The following CAMK2D variants were observed in gnomAD, a reference collection of about 807,000 sequenced individuals.
The protein encoded by CAMK2D is calcium/calmodulin dependent protein kinase II delta, also known as calcium/calmodulin-dependent protein kinase type II subunit delta.
In CAMK2D, 37 loss-of-function variants were observed where a neutral mutation model predicts 84.0. The observed-to-expected ratio is 0.44, with a 90% confidence interval of 0.34 to 0.58. CAMK2D has a LOEUF of 0.58. Among genes scored for constraint, CAMK2D ranks in the 20% least tolerant of loss-of-function variants. The probability of loss-of-function intolerance (pLI) is 0.02; values close to 1 mark genes in which losing one functional copy is unlikely to be tolerated. For synonymous variants in CAMK2D, 202 were observed against 212.5 expected, an observed-to-expected ratio of 0.95 and a Z score of 0.43; for missense variants, 448 against 652.5, an observed-to-expected ratio of 0.69 and a Z score of 3.41.
At chr4:113,607,882 C>T (rs1281948692) in intron 4 of CAMK2D, among the ~76,000 whole-genome samples, 1 of 152,152 alleles carries the variant, frequency 6.6e-6, no homozygotes, top group Non-Finnish European at 1.5e-5. Context: ...AACTGGGTAT[C>T]ACATGATTAA....
At chr4:113,584,418 G>A (rs2098824674) in intron 4 of CAMK2D, among the ~76,000 whole-genome samples, 2 of 152,210 alleles carry the variant, frequency 1.3e-5, no homozygotes. Context: ...CCCCGATGAT[G>A]AGGAGAGAAA....
At chr4:113,705,575 C>A (rs954246681) in intron 2 of CAMK2D, among the ~76,000 whole-genome samples, 2 of 152,072 alleles carry the variant, frequency 1.3e-5, no homozygotes, top group Non-Finnish European at 2.9e-5. Context: ...CTGAACTAAG[C>A]GCTAGGTATA....
chr4:113,630,984 A>G (rs2099087333), intron 3 of CAMK2D, among the ~76,000 whole-genome samples: 1 of 152,176 alleles, frequency 6.6e-6, no homozygotes. Context: ...ATCATGGATC[A>G]CGACATATTA....
chr4:113,650,392 C>A (rs372608147), intron 3 of CAMK2D, among the ~76,000 whole-genome samples: 1 of 151,342 alleles, frequency 6.6e-6, no homozygotes, highest in South Asian at 2.1e-4. Context: ...TGGTGCATGC[C>A]TGTAATCCCA....
At chr4:113,470,248 C>T (rs6835747) in intron 16 of CAMK2D, among the ~76,000 whole-genome samples, 19,058 of 152,036 alleles carry the variant, frequency 0.13, 1,643 homozygotes, top group East Asian at 0.37. Context: ...CTCCTATTAC[C>T]AGCCCTTTAT....
intron 4 of CAMK2D, among the ~76,000 whole-genome samples, chr4:113,553,899 G>A (rs905339455): frequency 6.6e-6 from 1 of 152,062 alleles, no homozygotes; most frequent in Non-Finnish European, 1.5e-5. Flanking sequence ...GTATAGTGAC[G>A]ATAACAATTT....
intron 4 of CAMK2D, among the ~76,000 whole-genome samples, chr4:113,580,748 A>G (rs1422025201): frequency 6.6e-6 from 1 of 152,164 alleles, no homozygotes; most frequent in Non-Finnish European, 1.5e-5. Flanking sequence ...TAAGATTATC[A>G]GGATTAAATG....
chr4:113,465,251 T>C (rs2097443733), intron 17 of CAMK2D, among the ~76,000 whole-genome samples: 2 of 152,170 alleles, frequency 1.3e-5, no homozygotes, highest in Admixed American at 1.3e-4. Context: ...CAGGTTGGTC[T>C]TGAACTCTTG....
chr4:113,604,185 T>C (rs988772882), intron 4 of CAMK2D, among the ~76,000 whole-genome samples: 1 of 152,140 alleles, frequency 6.6e-6, no homozygotes, highest in African/African-American at 2.4e-5. Flanking sequence ...CAAGTAGTTA[T>C]TTTATCTCGG....
intron 2 of CAMK2D, among the ~76,000 whole-genome samples, chr4:113,676,163 A>G (rs372610988): frequency 6.6e-6 from 1 of 152,200 alleles, no homozygotes; most frequent in African/African-American, 2.4e-5. Flanking sequence ...CCAGTCTTCT[A>G]CTTCACTGAA....
At chr4:113,689,889 C>T (rs973843456) in intron 2 of CAMK2D, among the ~76,000 whole-genome samples, 1 of 152,152 alleles carries the variant, frequency 6.6e-6, no homozygotes, top group South Asian at 2.1e-4. Context: ...GCAGGGAACA[C>T]GTTGTCTTGT....
At position 113,761,663 on chromosome 4, in the gene CAMK2D, G is replaced by A. The variant is rs555921216; in HGVS notation, c.-595C>T. ...CCCTCCGGCGGGCGGCAGCGGCTCC[G>A]GCGAAGCGAGGCACCTTGGCGGCCT... On this transcript the variant is annotated 5_prime_UTR_variant, in exon 1 of 21. Transcript: ENST00000511664. 199 of 984,932 alleles carry A rather than the reference G, an allele frequency of 2.0e-4. No individual in the cohort carries two copies. The African/African-American group carries it at 2.9e-3, about 14-fold the overall frequency. 61.0% of individuals were successfully genotyped at this position (984,932 alleles called of 1,614,324 possible). A position where few individuals can be genotyped will look rare whatever the true frequency, so the allele number is the denominator to read the frequency against.
At chr4:113,549,413 C>T (rs546529601) in intron 5 of CAMK2D, among the ~76,000 whole-genome samples, 1 of 152,272 alleles carries the variant, frequency 6.6e-6, no homozygotes, top group South Asian at 2.1e-4. Flanking sequence ...AATTTACAAT[C>T]CCCTGGAGCA....
chr4:113,547,571 TACAG>T, intron 6 of CAMK2D, 69 bp downstream of exon 6: 1 of 976,818 alleles, frequency 1.0e-6, no homozygotes, highest in Admixed American at 2.6e-5. Context: ...TTTTTGCCTT[TACAG>T]GCATAATTGC....
intron 4 of CAMK2D, among the ~76,000 whole-genome samples, chr4:113,606,997 T>C (rs2098980383): frequency 6.6e-6 from 1 of 152,010 alleles, no homozygotes; most frequent in Non-Finnish European, 1.5e-5. Context: ...GGCACAACAT[T>C]GAAAGAACTC....
At chr4:113,588,349 T>C (rs10007139) in intron 4 of CAMK2D, among the ~76,000 whole-genome samples, 6,429 of 152,206 alleles carry the variant, frequency 0.042, 463 homozygotes, top group African/African-American at 0.15. Context: ...TCATTAAGCA[T>C]CATAATAATA....
intron 1 of CAMK2D, among the ~76,000 whole-genome samples, chr4:113,760,696 T>G (rs139270794): frequency 3.3e-4 from 50 of 152,096 alleles, no homozygotes; most frequent in African/African-American, 1.2e-3. Context: ...CGCACACTTC[T>G]CAGGATGATA....
At chr4:113,488,967 A>G (rs1233472183) in intron 16 of CAMK2D, among the ~76,000 whole-genome samples, 2 of 152,158 alleles carry the variant, frequency 1.3e-5, no homozygotes, top group African/African-American at 4.8e-5. Context: ...CTCAAGCAAT[A>G]AAGAGAAAAA....
chr4:113,579,261 G>A (rs1418795743), intron 4 of CAMK2D, among the ~76,000 whole-genome samples: 1 of 152,196 alleles, frequency 6.6e-6, no homozygotes, highest in Non-Finnish European at 1.5e-5. Flanking sequence ...AGGTTTGGCT[G>A]CTCCTTCTCT....
Sources: gnomAD v4.1 joint callset for allele counts (sites outside exome capture counted in the v4.1 genomes callset) on GRCh38, gnomAD v4.1.1 for gene constraint, MANE v1.5 for transcripts, NCBI Gene and HGNC (gene_info 2026-07-23, HGNC 2026-07-21) for gene names.